SUZ12: variants seen among roughly 807,000 people sequenced by gnomAD.
SUZ12 encodes the protein polycomb protein SUZ12.
Under a neutral mutation model 87.3 loss-of-function variants are expected in SUZ12, and 17 were observed. The observed-to-expected ratio is 0.19, with a 90% CI of 0.13 to 0.29. The LOEUF (loss-of-function observed/expected upper bound fraction) is 0.29, where lower values mean the gene tolerates loss of function less well. Ranked by LOEUF, SUZ12 falls within the 10% of genes least tolerant of loss-of-function variation. The probability of loss-of-function intolerance (pLI) is 1.00; values close to 1 mark genes in which losing one functional copy is unlikely to be tolerated. For missense variants in SUZ12, 526 were observed against 912.2 expected (o/e 0.58, Z 5.45); for synonymous variants, 253 against 312.4 (o/e 0.81, Z 2.01).
At chr17:31,939,983 G>A (rs1906175436) in intron 1 of SUZ12, among the ~76,000 whole-genome samples, 1 of 152,200 alleles carries the variant, frequency 6.6e-6, no homozygotes, top group African/African-American at 2.4e-5. Flanking sequence ...AGTTAAATGA[G>A]TACAACTACT....
intron 4 of SUZ12, chr17:31,964,005 C>T (rs1302003959): frequency 6.6e-6 from 1 of 152,258 alleles, no homozygotes; most frequent in Non-Finnish European, 1.5e-5. Flanking sequence ...TTGTCCTCTA[C>T]TGATAGCATA....
At chr17:31,948,441 T>C (rs1414455576) in intron 4 of SUZ12, among the ~76,000 whole-genome samples, 7 of 152,304 alleles carry the variant, frequency 4.6e-5, no homozygotes, top group East Asian at 1.9e-4. Context: ...ACTAAAAATA[T>C]TAGATTCTTG....
At chr17:31,953,573 A>G (rs1045794969) in intron 4 of SUZ12, among the ~76,000 whole-genome samples, 16 of 151,456 alleles carry the variant, frequency 1.1e-4, no homozygotes, top group African/African-American at 3.9e-4. Flanking sequence ...ACACCTCACT[A>G]ATTTTTTGAA....
chr17:31,994,043 A>C (rs751904847), intron 12 of SUZ12, 35 bp downstream of exon 12: 1 of 1,600,082 alleles, frequency 6.2e-7, no homozygotes, highest in South Asian at 1.1e-5. Flanking sequence ...AATTTGTGTT[A>C]AGAAATCTCT....
intron 4 of SUZ12, among the ~76,000 whole-genome samples, chr17:31,949,705 T>TTTTTTA (rs1367680305): frequency 1.0e-5 from 1 of 96,504 alleles, no homozygotes; most frequent in Non-Finnish European, 2.0e-5. Context: ...TTTTTTTTTT[T>TTTTTTA]GAGACCAAGT....
At chr17:31,966,249 G>T (rs963764726) in intron 5 of SUZ12, 53 bp downstream of exon 5, 78 of 1,440,236 alleles carry the variant, frequency 5.4e-5, no homozygotes, top group Non-Finnish European at 6.7e-5. Flanking sequence ...ATACCTTTGT[G>T]AATGTAAAAA....
At chr17:31,976,659 G>A (rs1460970718) in intron 8 of SUZ12, 45 bp downstream of exon 8, 2 of 1,346,814 alleles carry the variant, frequency 1.5e-6, no homozygotes, top group South Asian at 1.3e-5. Flanking sequence ...TTCTGGAAAT[G>A]TTTTCATTCT....
intron 4 of SUZ12, among the ~76,000 whole-genome samples, chr17:31,963,630 C>G (rs376692674): frequency 5.9e-5 from 9 of 152,002 alleles, no homozygotes; most frequent in Non-Finnish European, 1.3e-4. Context: ...TCAAGCAATT[C>G]TCCTGCCTCA....
intron 4 of SUZ12, among the ~76,000 whole-genome samples, chr17:31,958,556 C>G (rs1357992606): frequency 6.6e-6 from 1 of 151,380 alleles, no homozygotes; most frequent in Non-Finnish European, 1.5e-5. Flanking sequence ...ACTAAAAATC[C>G]AAAAAATTAG....
intron 10 of SUZ12, among the ~76,000 whole-genome samples, chr17:31,989,994 G>A (rs1215553941): frequency 1.3e-5 from 2 of 150,878 alleles, no homozygotes; most frequent in Admixed American, 6.6e-5. Context: ...ATGGAGTCTC[G>A]CCCAGGCTGG....
chr17:31,937,139 C>A lies in SUZ12; in HGVS notation c.-108C>A, dbSNP rs965821545. 1.0e-6 allele frequency: 1 copy of A among 967,638 alleles called. No individual in the cohort carries two copies. The highest frequency in any genetic ancestry group is 1.4e-6 in the Non-Finnish European group (1 of 716,594). The allele number at this position is 967,638 out of a possible 1,614,324, so 59.9% of individuals were successfully genotyped here. On this transcript the variant is annotated 5_prime_UTR_variant, in exon 1 of 16. Transcript: ENST00000322652. ...CCTCTCCTCCCCTCTCTCCTCCTTCCCCCCTCGGTCCGCCGGAGCCTGCTG... is the reference window on the plus strand; with the variant it reads ...CCTCTCCTCCCCTCTCTCCTCCTTCACCCCTCGGTCCGCCGGAGCCTGCTG...
intron 11 of SUZ12, 23 bp from the exon 12 acceptor site, chr17:31,993,836 ATTTGCT>A: frequency 6.4e-7 from 1 of 1,559,984 alleles, no homozygotes; most frequent in Non-Finnish European, 8.7e-7. Context: ...TAAATTGGAG[ATTTGCT>A]TTTTTTTTTT....
At chr17:31,946,515 A>C (rs1906646600) in intron 3 of SUZ12, among the ~76,000 whole-genome samples, 1 of 152,178 alleles carries the variant, frequency 6.6e-6, no homozygotes, top group Non-Finnish European at 1.5e-5. Flanking sequence ...CTGGGCAACA[A>C]GAGTGACACT....
chr17:31,959,003 G>A (rs1907538744), intron 4 of SUZ12, among the ~76,000 whole-genome samples: 1 of 152,210 alleles, frequency 6.6e-6, no homozygotes, highest in African/African-American at 2.4e-5. Flanking sequence ...GGGTGACAGA[G>A]GGAGACTCCG....
chr17:31,974,274 C>T (rs1229797472), intron 6 of SUZ12, among the ~76,000 whole-genome samples: 1 of 152,178 alleles, frequency 6.6e-6, no homozygotes, highest in East Asian at 1.9e-4. Context: ...GTGGCTCACG[C>T]CTGTAATCCC....
intron 3 of SUZ12, 114 bp from the exon 4 acceptor site, chr17:31,947,503 A>G: frequency 1.5e-6 from 2 of 1,322,736 alleles, no homozygotes; most frequent in Non-Finnish European, 1.0e-6. Context: ...AATTTATCTT[A>G]CTAAAAATAA....
intron 10 of SUZ12, among the ~76,000 whole-genome samples, 162 bp downstream of exon 10, chr17:31,988,659 T>A (rs1909539845): frequency 6.6e-6 from 1 of 151,642 alleles, no homozygotes; most frequent in East Asian, 2.0e-4. Flanking sequence ...GTAGCGTGAT[T>A]TCGGCTCACT....
intron 4 of SUZ12, among the ~76,000 whole-genome samples, chr17:31,959,488 T>C (rs1409123325): frequency 2.6e-5 from 4 of 152,204 alleles, no homozygotes; most frequent in Admixed American, 6.6e-5. Context: ...TTTCAGAATA[T>C]TGGACTTGAT....
intron 3 of SUZ12, among the ~76,000 whole-genome samples, chr17:31,941,117 G>GTT (rs994974978): frequency 1.3e-5 from 2 of 149,686 alleles, no homozygotes; most frequent in South Asian, 4.3e-4. Context: ...TTGTTTGTTT[G>GTT]TTTTTTTTTG....
Sources: allele counts gnomAD v4.1 joint callset (sites outside exome capture counted in the v4.1 genomes callset), GRCh38; gene constraint gnomAD v4.1.1; transcripts MANE v1.5; gene names NCBI Gene and HGNC (gene_info 2026-07-23, HGNC 2026-07-21).